The following CDK14 variants were observed in gnomAD, a reference collection of about 807,000 sequenced individuals.
CDK14 encodes cyclin-dependent kinase 14.
Under a neutral mutation model 60.7 loss-of-function variants are expected in CDK14, and 34 were observed. That is an observed-to-expected ratio of 0.56 (90% CI 0.43 to 0.75). The LOEUF is 0.75. CDK14 is among the 30% of genes least tolerant of loss of function. CDK14 has a pLI of 0.00. For missense variants in CDK14, 482 were observed against 564.1 expected (o/e 0.85, Z 1.47); for synonymous variants, 197 against 203.7 (o/e 0.97, Z 0.28).
intron 14 of CDK14, among the ~76,000 whole-genome samples, chr7:91,146,818 C>T (rs1800652252): frequency 6.6e-6 from 1 of 152,110 alleles, no homozygotes; most frequent in Non-Finnish European, 1.5e-5. Flanking sequence ...TCCATTTTTC[C>T]ATGCTGAACA....
intron 2 of CDK14, among the ~76,000 whole-genome samples, chr7:90,683,604 C>T (rs902316130): frequency 6.6e-6 from 1 of 152,192 alleles, no homozygotes; most frequent in African/African-American, 2.4e-5. Context: ...AGCTTGAGAC[C>T]AGCCTGGCCA....
Position 90,933,582 on chromosome 7 carries a change from T to C in CDK14, c.826+15858T>C, listed in dbSNP as rs576848843. On this transcript the variant is annotated intron_variant, in intron 8 of 14. Coordinates refer to ENST00000380050, the MANE Select transcript of CDK14 (RefSeq NM_001287135.2). Reference sequence around the variant, plus strand: ...TAGACAATTTATATCACTAACTATATTGTATGACAAGTAACTTCTTTATAT... The same window carrying C: ...TAGACAATTTATATCACTAACTATACTGTATGACAAGTAACTTCTTTATAT... 5.9e-5 allele frequency among the ~76,000 whole-genome samples: 9 copies of C among 152,336 alleles called. No homozygotes were observed. The South Asian group carries it at 1.9e-3, about 32-fold the overall frequency.
intron 14 of CDK14, among the ~76,000 whole-genome samples, chr7:91,148,924 A>G (rs916274589): frequency 2.0e-5 from 3 of 152,188 alleles, no homozygotes; most frequent in African/African-American, 4.8e-5. Flanking sequence ...ATGAGACACC[A>G]TATGTGAAAA....
intron 5 of CDK14, among the ~76,000 whole-genome samples, chr7:90,827,484 T>C (rs1410238954): frequency 6.6e-6 from 1 of 152,202 alleles, no homozygotes; most frequent in African/African-American, 2.4e-5. Context: ...TTACCTAGCA[T>C]TGAGATCAAA....
intron 2 of CDK14, among the ~76,000 whole-genome samples, chr7:90,655,414 AAAC>A (rs1800731551): frequency 6.6e-6 from 1 of 152,170 alleles, no homozygotes; most frequent in Non-Finnish European, 1.5e-5. Context: ...TTTAAAAAAA[AAAC>A]AGCCTGGAAA....
rs1563037904 is a variant in CDK14, at chr7:90,668,698, T to TA, written c.124-57869_124-57868insA. Among the ~76,000 whole-genome samples the TA allele has an allele frequency of 6.3e-3, 532 of 84,476 alleles. 47 individuals are homozygous for TA. In the East Asian group the frequency reaches 0.098, roughly 16 times the overall value. 55.4% of individuals were successfully genotyped at this position (84,476 alleles called of 152,430 possible). ...ATATGGTGTAAGGAAGGACTCGCAT[T>TA]CTTTTTTTTTTTTTTTTTTTTTTTT... On this transcript the variant is annotated intron_variant, in intron 2 of 14. Coordinates refer to ENST00000380050, the MANE Select transcript of CDK14 (RefSeq NM_001287135.2).
intron 5 of CDK14, among the ~76,000 whole-genome samples, chr7:90,839,918 G>C (rs1304263493): frequency 6.6e-6 from 1 of 152,132 alleles, no homozygotes; most frequent in East Asian, 1.9e-4. Context: ...TGCTTGCTGG[G>C]ATGTTTACTT....
intron 11 of CDK14, among the ~76,000 whole-genome samples, chr7:91,061,852 C>G (rs1325953461): frequency 3.9e-5 from 6 of 152,186 alleles, no homozygotes; most frequent in Non-Finnish European, 8.8e-5. Context: ...GGGTCAGGGA[C>G]CCACTTGAGG....
At chr7:90,787,364 C>G (rs1198207906) in intron 4 of CDK14, among the ~76,000 whole-genome samples, 2 of 152,000 alleles carry the variant, frequency 1.3e-5, no homozygotes, top group Non-Finnish European at 2.9e-5. Context: ...GAAATAAAAA[C>G]TTTTCTATAT....
intron 2 of CDK14, among the ~76,000 whole-genome samples, chr7:90,672,131 A>AGTT (rs1374917097): frequency 6.6e-6 from 1 of 152,204 alleles, no homozygotes; most frequent in African/African-American, 2.4e-5. Flanking sequence ...TAGAATATGA[A>AGTT]GATACTGTAT....
intron 11 of CDK14, among the ~76,000 whole-genome samples, chr7:91,062,035 C>T (rs562405577): frequency 1.8e-4 from 28 of 152,334 alleles, no homozygotes; most frequent in Non-Finnish European, 3.7e-4. Context: ...CCTTGAGCTG[C>T]GATGGGCTCC....
intron 6 of CDK14, among the ~76,000 whole-genome samples, chr7:90,892,182 A>G (rs1233996333): frequency 6.6e-6 from 1 of 152,230 alleles, no homozygotes; most frequent in African/African-American, 2.4e-5. Flanking sequence ...GTCAGATTCA[A>G]AACAGGGTAA....
chr7:91,068,739 G>A lies in CDK14; in HGVS notation c.1106-10693G>A, dbSNP rs568306862. 5.9e-4 allele frequency among the ~76,000 whole-genome samples: 88 copies of A among 148,368 alleles called. 2 individuals carry two copies. The highest frequency in any genetic ancestry group is 1.0e-3 in the Admixed American group (15 of 14,778). On this transcript the variant is annotated intron_variant, in intron 11 of 14. Coordinates refer to ENST00000380050, the MANE Select transcript of CDK14 (RefSeq NM_001287135.2). ...CTGGACAGTAATAACCTTTTGTTGG[G>A]CTCCCTGCTTCCAACCTTGCCTTCT...
intron 10 of CDK14, among the ~76,000 whole-genome samples, chr7:91,011,029 T>C (rs1467077226): frequency 6.6e-6 from 1 of 151,990 alleles, no homozygotes; most frequent in East Asian, 1.9e-4. Context: ...TTTTGTCGAT[T>C]CCCTTTATCA....
chr7:90,847,980 T>C (rs1209265769), intron 5 of CDK14, among the ~76,000 whole-genome samples: 1 of 152,220 alleles, frequency 6.6e-6, no homozygotes, highest in Admixed American at 6.5e-5. Context: ...CTTGTCAGTG[T>C]TATCATTGGA....
chr7:90,706,377 T>C (rs1468450006), intron 2 of CDK14, among the ~76,000 whole-genome samples: 1 of 152,172 alleles, frequency 6.6e-6, no homozygotes, highest in African/African-American at 2.4e-5. Flanking sequence ...CCACTCTACA[T>C]ATGTCCACAG....
At chr7:90,697,505 G>A (rs935382774) in intron 2 of CDK14, among the ~76,000 whole-genome samples, 14 of 152,056 alleles carry the variant, frequency 9.2e-5, no homozygotes, top group Admixed American at 3.3e-4. Flanking sequence ...CTAAAAAATC[G>A]TTTTATAAAG....
chr7:90,656,204 T>G (rs1353648972), intron 2 of CDK14, among the ~76,000 whole-genome samples: 1 of 152,190 alleles, frequency 6.6e-6, no homozygotes, highest in Non-Finnish European at 1.5e-5. Flanking sequence ...ATTAATATCT[T>G]GAACGTGAAA....
Position 90,977,588 on chromosome 7 carries a change from A to G in CDK14, c.948-6560A>G, listed in dbSNP as rs79180910. Among the ~76,000 whole-genome samples the G allele has an allele frequency of 5.8e-3, 888 of 152,222 alleles. 14 individuals are homozygous for G. Among genetic ancestry groups the G allele is most frequent in the African/African-American group, 0.02 (839 of 41,540 alleles). On this transcript the variant is annotated intron_variant, in intron 9 of 14. Coordinates refer to ENST00000380050, the MANE Select transcript of CDK14 (RefSeq NM_001287135.2). ...GTTTATTTTTTTTAAAAGACCATAA[A>G]CATCAGTCTTACGGGAAATCATGAC...
Sources: allele counts gnomAD v4.1 joint callset (sites outside exome capture counted in the v4.1 genomes callset), GRCh38; gene constraint gnomAD v4.1.1; transcripts MANE v1.5; gene names NCBI Gene and HGNC (gene_info 2026-07-23, HGNC 2026-07-21).